Variants in SV2C observed in about 807,000 individuals in gnomAD.
SV2C encodes synaptic vesicle glycoprotein 2C.
In SV2C, 49 loss-of-function variants were observed where a neutral mutation model predicts 79.7. The observed-to-expected ratio is 0.61, with a 90% CI of 0.49 to 0.78. SV2C has a LOEUF of 0.78. SV2C is among the 30% of genes least tolerant of loss of function. SV2C has a pLI of 0.00. For missense variants in SV2C, 833 were observed against 912.9 expected (o/e 0.91, Z 1.13); for synonymous variants, 334 against 333.2 (o/e 1.00, Z -0.03).
chr5:76,177,487 C>T lies in SV2C; in HGVS notation c.581-17432C>T, dbSNP rs959780092. Among the ~76,000 whole-genome samples the T allele has an allele frequency of 1.1e-4, 17 of 151,786 alleles. No homozygotes were observed. The South Asian group carries it at 3.5e-3, about 32-fold the overall frequency. ...CAATAACTGATAATAAAATAATAAA[C>T]TAGAATAATTATAACAATATACTAT... On this transcript the variant is annotated intron_variant, in intron 2 of 12. Transcript: ENST00000502798.
intron 2 of SV2C, among the ~76,000 whole-genome samples, chr5:76,154,829 A>G (rs1229457383): frequency 6.6e-6 from 1 of 152,194 alleles, no homozygotes; most frequent in Non-Finnish European, 1.5e-5. Flanking sequence ...AGGAACACAA[A>G]ACCACAGGAA....
At chr5:75,959,258 C>G in the SV2C span, among the ~76,000 whole-genome samples, 1 of 151,958 alleles carries the variant, frequency 6.6e-6, no homozygotes, top group Non-Finnish European at 1.5e-5. Context: ...GGCAGACTGT[C>G]CTAGGAGAAG....
At chr5:76,079,854 T>C (rs191806807), upstream of SV2C, 94 of 158,104 alleles carry the variant, frequency 5.9e-4, 1 homozygote, top group African/African-American at 2.0e-3. Context: ...AGTCAGGCAA[T>C]TGATTGTGAA....
At chr5:76,119,399 G>GA (rs1748404783) in intron 1 of SV2C, among the ~76,000 whole-genome samples, 1 of 152,192 alleles carries the variant, frequency 6.6e-6, no homozygotes, top group African/African-American at 2.4e-5. Context: ...GCCAGAAGTG[G>GA]AAAAGGAAGA....
At chr5:75,985,729 G>A in the SV2C span, among the ~76,000 whole-genome samples, 16,275 of 151,780 alleles carry the variant, frequency 0.11, 950 homozygotes, top group Middle Eastern at 0.18. Flanking sequence ...AAAAAGTGAT[G>A]TTACTACTTA....
the SV2C span, among the ~76,000 whole-genome samples, chr5:75,965,797 A>G: frequency 6.6e-6 from 1 of 152,192 alleles, no homozygotes; most frequent in Non-Finnish European, 1.5e-5. Flanking sequence ...TGTATACCAT[A>G]ATGTCTCAAG....
intron 4 of SV2C, among the ~76,000 whole-genome samples, chr5:76,255,833 C>T (rs1205606507): frequency 6.6e-6 from 1 of 152,146 alleles, no homozygotes; most frequent in African/African-American, 2.4e-5. Flanking sequence ...CACCTCCCAC[C>T]AAATGCCCAG....
At chr5:75,902,153 A>G in the SV2C span, among the ~76,000 whole-genome samples, 1 of 152,290 alleles carries the variant, frequency 6.6e-6, no homozygotes, top group Admixed American at 6.5e-5. Context: ...CCTCAGATGG[A>G]AATGCAGAAA....
chr5:76,092,566 C>T (rs1747412600), intron 1 of SV2C, among the ~76,000 whole-genome samples: 1 of 152,142 alleles, frequency 6.6e-6, no homozygotes, highest in Non-Finnish European at 1.5e-5. Context: ...TGAGGATCGA[C>T]CCCCATTCCT....
At chr5:76,052,144 G>C in the SV2C span, among the ~76,000 whole-genome samples, 7 of 151,942 alleles carry the variant, frequency 4.6e-5, no homozygotes, top group Non-Finnish European at 8.8e-5. Context: ...AAACCCCAAG[G>C]CTTTTAGTGC....
the SV2C span, among the ~76,000 whole-genome samples, chr5:76,059,508 A>G: frequency 6.7e-6 from 1 of 149,716 alleles, no homozygotes; most frequent in South Asian, 2.1e-4. Context: ...TCTTTTGCTC[A>G]TCCATAAGAA....
At chr5:75,863,198 T>C in the SV2C span, among the ~76,000 whole-genome samples, 7 of 152,212 alleles carry the variant, frequency 4.6e-5, no homozygotes, top group African/African-American at 1.7e-4. Flanking sequence ...ACCAAGGTGA[T>C]GTCCCTGAAC....
At chr5:76,056,302 G>A in the SV2C span, among the ~76,000 whole-genome samples, 13 of 152,070 alleles carry the variant, frequency 8.5e-5, no homozygotes, top group African/African-American at 2.9e-4. Context: ...GTTTATTGAA[G>A]TGTGCATGTT....
chr5:76,242,453 G>A, intron 4 of SV2C: 1 of 572,704 alleles, frequency 1.7e-6, no homozygotes, highest in Non-Finnish European at 3.3e-6. Flanking sequence ...CTCCCAAAGT[G>A]CTGTGATTAC....
chr5:76,208,893 C>A (rs907376298), intron 3 of SV2C, among the ~76,000 whole-genome samples: 3 of 152,068 alleles, frequency 2.0e-5, no homozygotes, highest in African/African-American at 7.2e-5. Context: ...AGGGCCAAGA[C>A]CTATTTGAAA....
At chr5:76,030,415 A>T in the SV2C span, among the ~76,000 whole-genome samples, 1 of 151,656 alleles carries the variant, frequency 6.6e-6, no homozygotes, top group African/African-American at 2.4e-5. Context: ...CACTTCACAG[A>T]CTCACTGGTC....
At chr5:76,222,530 T>C (rs1230942239) in intron 4 of SV2C, among the ~76,000 whole-genome samples, 1 of 152,078 alleles carries the variant, frequency 6.6e-6, no homozygotes, top group Admixed American at 6.5e-5. Flanking sequence ...TTGAGTGTCT[T>C]GGTTTTCAAT....
chr5:75,937,730 A>C, the SV2C span, among the ~76,000 whole-genome samples: 3 of 152,040 alleles, frequency 2.0e-5, no homozygotes, highest in African/African-American at 7.2e-5. Flanking sequence ...AAACAAAACA[A>C]AACAAAACAA....
At chr5:76,225,081 T>C (rs1329956000) in intron 4 of SV2C, among the ~76,000 whole-genome samples, 1 of 152,206 alleles carries the variant, frequency 6.6e-6, no homozygotes, top group Non-Finnish European at 1.5e-5. Flanking sequence ...TGATGTTTCC[T>C]ATGTGACTAA....
Sources: gnomAD v4.1 joint callset for allele counts (sites outside exome capture counted in the v4.1 genomes callset) on GRCh38, gnomAD v4.1.1 for gene constraint, MANE v1.5 for transcripts, NCBI Gene and HGNC (gene_info 2026-07-23, HGNC 2026-07-21) for gene names.